The following SLC36A1 variants were observed in gnomAD, a reference collection of about 807,000 sequenced individuals.
SLC36A1 encodes the protein proton-coupled amino acid transporter 1.
A neutral mutation model predicts 47.5 loss-of-function variants in SLC36A1; 30 were observed. The observed-to-expected ratio is 0.63, with a 90% CI of 0.47 to 0.86. The LOEUF is 0.86. SLC36A1 is among the 40% of genes least tolerant of loss of function. The pLI is 0.00. For missense variants in SLC36A1, 517 were observed against 606.0 expected (o/e 0.85, Z 1.54); for synonymous variants, 255 against 249.7 (o/e 1.02, Z -0.20).
the SLC36A1 span, among the ~76,000 whole-genome samples, chr5:151,379,416 C>G: frequency 6.6e-6 from 1 of 152,232 alleles, no homozygotes. Context: ...TCACTGCAAC[C>G]TCCGCCTCCC....
chr5:151,392,282 T>G, the SLC36A1 span, among the ~76,000 whole-genome samples: 125 of 152,310 alleles, frequency 8.2e-4, 1 homozygote, highest in Non-Finnish European at 1.5e-3. Flanking sequence ...TCTATTTGCT[T>G]CTTCTCCTTT....
the SLC36A1 span, among the ~76,000 whole-genome samples, chr5:151,373,876 A>G: frequency 6.6e-6 from 1 of 152,168 alleles, no homozygotes; most frequent in Non-Finnish European, 1.5e-5. Flanking sequence ...CTGGGATTAC[A>G]GGTATGAGCC....
chr5:151,545,955 C>A, the SLC36A1 span: 1 of 1,614,064 alleles, frequency 6.2e-7, no homozygotes, highest in Non-Finnish European at 8.5e-7. Context: ...GCTGGTAAGA[C>A]GAGATTTTCT....
chr5:151,476,357 C>T (rs1758048286), intron 8 of SLC36A1, among the ~76,000 whole-genome samples: 1 of 152,222 alleles, frequency 6.6e-6, no homozygotes, highest in Admixed American at 6.5e-5. Context: ...GTCCTGGGCT[C>T]GTGTCCTGTC....
chr5:151,433,237 TATATATATATATATATATATATATA>T (rs1561704674), upstream of SLC36A1, among the ~76,000 whole-genome samples: 4 of 9,354 alleles, frequency 4.3e-4, no homozygotes, highest in East Asian at 3.1e-3. Context: ...TATATATATA[TATATATATATATATATATATATATA>T]TATATTTTTT....
chr5:151,385,153 C>T, the SLC36A1 span, among the ~76,000 whole-genome samples: 24,204 of 151,902 alleles, frequency 0.16, 2,188 homozygotes, highest in East Asian at 0.38. Flanking sequence ...CTGAGTACCA[C>T]GCTTTTTGAA....
upstream of SLC36A1, among the ~76,000 whole-genome samples, chr5:151,443,473 G>C (rs572001766): frequency 1.1e-4 from 16 of 152,146 alleles, no homozygotes; most frequent in African/African-American, 3.9e-4. Context: ...TTCTTCTTTG[G>C]AGAAATGTTT....
At chr5:151,429,592 T>TTAC in the SLC36A1 span, among the ~76,000 whole-genome samples, 1 of 151,942 alleles carries the variant, frequency 6.6e-6, no homozygotes. Flanking sequence ...CTTAATCCAG[T>TTAC]CTATCATTGT....
intron 8 of SLC36A1, among the ~76,000 whole-genome samples, chr5:151,475,577 C>A (rs1165637643): frequency 6.6e-6 from 1 of 152,152 alleles, no homozygotes; most frequent in Non-Finnish European, 1.5e-5. Context: ...TGCCCTCTGG[C>A]TCTTTGTATT....
At chr5:151,416,820 TC>T in the SLC36A1 span, among the ~76,000 whole-genome samples, 3 of 152,174 alleles carry the variant, frequency 2.0e-5, no homozygotes, top group African/African-American at 7.2e-5. Flanking sequence ...ATCTCCATAA[TC>T]CCCACATGTC....
At chr5:151,428,697 A>T in the SLC36A1 span, among the ~76,000 whole-genome samples, 2 of 151,780 alleles carry the variant, frequency 1.3e-5, 1 homozygote, top group Non-Finnish European at 2.9e-5. Context: ...CAGTGGCATG[A>T]TCTCGGCTCA....
chr5:151,547,041 A>G, the SLC36A1 span, among the ~76,000 whole-genome samples: 1 of 152,204 alleles, frequency 6.6e-6, no homozygotes, highest in African/African-American at 2.4e-5. Context: ...ATGTTATGTT[A>G]CACTATTATT....
At chr5:151,354,148 A>G in the SLC36A1 span, among the ~76,000 whole-genome samples, 2 of 152,258 alleles carry the variant, frequency 1.3e-5, no homozygotes, top group Middle Eastern at 3.4e-3. Flanking sequence ...TACTCAATAT[A>G]CAAAAATTAG....
chr5:151,506,116 A>C, the SLC36A1 span: 1 of 1,498,936 alleles, frequency 6.7e-7, no homozygotes, highest in East Asian at 2.3e-5. Context: ...GAACAGCAAG[A>C]TAGGGTGAGC....
At chr5:151,519,955 T>A in the SLC36A1 span, among the ~76,000 whole-genome samples, 2 of 152,186 alleles carry the variant, frequency 1.3e-5, no homozygotes, top group African/African-American at 2.4e-5. Flanking sequence ...CAGTAGACTT[T>A]GCAAAATCTT....
the SLC36A1 span, among the ~76,000 whole-genome samples, chr5:151,369,037 C>G: frequency 6.6e-6 from 1 of 152,152 alleles, no homozygotes; most frequent in Admixed American, 6.5e-5. Context: ...CTAGTATAAC[C>G]CTTTAAATGA....
At chr5:151,527,179 T>C in the SLC36A1 span, 7 of 1,533,826 alleles carry the variant, frequency 4.6e-6, no homozygotes, top group Admixed American at 3.8e-5. Flanking sequence ...CATCTTCTGC[T>C]AGAAGGGAAA....
chr5:151,416,818 A>C, the SLC36A1 span, among the ~76,000 whole-genome samples: 81 of 152,318 alleles, frequency 5.3e-4, no homozygotes, highest in African/African-American at 1.9e-3. Flanking sequence ...AAATCTCCAT[A>C]ATCCCCACAT....
the SLC36A1 span, among the ~76,000 whole-genome samples, chr5:151,423,870 G>T: frequency 6.6e-6 from 1 of 152,174 alleles, no homozygotes; most frequent in African/African-American, 2.4e-5. Context: ...AATGGGAGAG[G>T]CAGTGAGTGT....
Sources: allele counts gnomAD v4.1 joint callset (sites outside exome capture counted in the v4.1 genomes callset), GRCh38; gene constraint gnomAD v4.1.1; transcripts MANE v1.5; gene names NCBI Gene and HGNC (gene_info 2026-07-23, HGNC 2026-07-21).